The following RPN2 variants were observed in gnomAD, a reference collection of about 807,000 sequenced individuals.
The protein encoded by RPN2 is ribophorin II.
A neutral mutation model predicts 71.4 loss-of-function variants in RPN2; 29 were observed. That is an observed-to-expected ratio of 0.41 (90% confidence interval 0.30 to 0.55). RPN2 has a LOEUF of 0.55. RPN2 is among the 20% of genes least tolerant of loss of function. RPN2 has a pLI of 0.35. For synonymous variants in RPN2, 308 were observed against 305.0 expected, an observed-to-expected ratio of 1.01 and a Z score of -0.10; for missense variants, 726 against 774.1, an observed-to-expected ratio of 0.94 and a Z score of 0.74.
intron 4 of RPN2, among the ~76,000 whole-genome samples, chr20:37,203,525 A>C (rs1469760450): frequency 6.6e-6 from 1 of 152,018 alleles, no homozygotes; most frequent in Non-Finnish European, 1.5e-5. Context: ...TATTTTTAGT[A>C]GAGGTGGGGT....
At chr20:37,239,998 ATCC>A (rs2068510855) in intron 16 of RPN2, among the ~76,000 whole-genome samples, 3 of 152,116 alleles carry the variant, frequency 2.0e-5, no homozygotes, top group Non-Finnish European at 4.4e-5. Flanking sequence ...GGCTCAAGCA[ATCC>A]TCCTGCTTTG....
At chr20:37,230,194 G>A in intron 13 of RPN2, 135 bp downstream of exon 13, 1 of 769,852 alleles carries the variant, frequency 1.3e-6, no homozygotes, top group East Asian at 2.5e-5. Flanking sequence ...ATTAGGCAGG[G>A]TAAATGGCAG....
chr20:37,238,664 A>G (rs1192737066), intron 16 of RPN2: 1 of 738,364 alleles, frequency 1.4e-6, no homozygotes, highest in Non-Finnish European at 2.5e-6. Flanking sequence ...CTGATGGGAT[A>G]ACTTTGCAGT....
At chr20:37,211,427 T>A (rs1190945046) in intron 8 of RPN2, among the ~76,000 whole-genome samples, 1 of 150,518 alleles carries the variant, frequency 6.6e-6, no homozygotes, top group Non-Finnish European at 1.5e-5. Flanking sequence ...TCACTTGAGG[T>A]CAGGAGCTCG....
chr20:37,181,738 A>G (rs1263772617), intron 1 of RPN2, among the ~76,000 whole-genome samples: 3 of 152,028 alleles, frequency 2.0e-5, no homozygotes, highest in Non-Finnish European at 4.4e-5. Context: ...TTTTCTTCTT[A>G]GCATAGTTTC....
intron 1 of RPN2, among the ~76,000 whole-genome samples, chr20:37,183,800 TAGAGGAC>T (rs1205740941): frequency 6.6e-6 from 1 of 152,122 alleles, no homozygotes; most frequent in African/African-American, 2.4e-5. Context: ...CCTGGCTTCT[TAGAGGAC>T]AGAGAAGAAG....
At chr20:37,224,118 C>A in intron 10 of RPN2, 149 bp downstream of exon 10, 1 of 708,874 alleles carries the variant, frequency 1.4e-6, no homozygotes. Flanking sequence ...TTCCACTGGT[C>A]CTGCACCGGG....
chr20:37,224,751 T>C (rs1283134996), intron 10 of RPN2, among the ~76,000 whole-genome samples: 1 of 152,158 alleles, frequency 6.6e-6, no homozygotes, highest in African/African-American at 2.4e-5. Context: ...CTAGGGTAGC[T>C]ATAGAGGCCA....
Position 37,203,977 on chromosome 20 carries a change from A to C in RPN2, c.555+17A>C. On this transcript the variant is annotated intron_variant, in intron 5 of 16. Transcript: ENST00000237530. ...GAGATTGAGGTGTGAATCTTTTGCC[A>C]AATGCATCTCCCAGCTCCTGTCTTT... 1 of 1,584,220 alleles carries C rather than the reference A, an allele frequency of 6.3e-7. No individual in the cohort carries two copies. Among genetic ancestry groups the C allele is most frequent in the African/African-American group, 1.3e-5 (1 of 74,438 alleles).
chr20:37,236,765 C>T, intron 16 of RPN2, 56 bp downstream of exon 16: 1 of 1,574,222 alleles, frequency 6.4e-7, no homozygotes, highest in Non-Finnish European at 8.7e-7. Flanking sequence ...CTCAGCTCTG[C>T]CGGCCTAGCT....
At chr20:37,238,503 C>T in intron 16 of RPN2, 2 of 1,249,344 alleles carry the variant, frequency 1.6e-6, no homozygotes, top group Non-Finnish European at 2.3e-6. Context: ...CCCGTCTTGC[C>T]CGCCTCATGC....
chr20:37,185,593 T>C (rs757368262), intron 2 of RPN2, among the ~76,000 whole-genome samples: 1 of 152,090 alleles, frequency 6.6e-6, no homozygotes, highest in African/African-American at 2.4e-5. Flanking sequence ...ACCACCGACT[T>C]ATTGGCTTAT....
At chr20:37,228,519 A>G in intron 11 of RPN2, 31 bp from the exon 12 acceptor site, 1 of 1,597,530 alleles carries the variant, frequency 6.3e-7, no homozygotes. Flanking sequence ...TGAAATTATC[A>G]GATGAAAGAT....
intron 15 of RPN2, among the ~76,000 whole-genome samples, chr20:37,234,741 T>TGC (rs1045307193): frequency 2.9e-4 from 44 of 151,146 alleles, no homozygotes; most frequent in African/African-American, 1.0e-3. Context: ...AGTGCAGTGG[T>TGC]GCATTCATGG....
At position 37,232,384 on chromosome 20, in the gene RPN2, T is replaced by G. The variant is rs1466077543; in HGVS notation, c.1670T>G (p.Phe557Cys). The change falls in exon 14 of 17, where the codon TTC (phenylalanine) becomes TGC (cysteine). Residue 557 changes from phenylalanine (F) to cysteine (C), a missense_variant. By Grantham distance (205) the Phe-to-Cys change is radical (BLOSUM62 -2). Transcript: ENST00000237530. Reference protein sequence around the residue: ...ALILSPLLLLFALWIRIGANV... With the variant: ...ALILSPLLLLCALWIRIGANV... ...ATCCTCTCGCCGTTGCTTCTGCTCT[T>G]CGCTCTGGTGAGTGGCTGTAATTAG... The G allele has an allele frequency of 2.5e-6, 4 of 1,614,184 alleles. No homozygotes were observed.
chr20:37,182,807 T>G (rs1213095201), intron 1 of RPN2, among the ~76,000 whole-genome samples: 1 of 152,202 alleles, frequency 6.6e-6, no homozygotes, highest in Admixed American at 6.5e-5. Context: ...GTTACTTGGG[T>G]GCCAGACAAT....
chr20:37,222,246 C>T (rs1178340145), intron 9 of RPN2, among the ~76,000 whole-genome samples: 1 of 152,164 alleles, frequency 6.6e-6, no homozygotes, highest in Non-Finnish European at 1.5e-5. Context: ...GGCCATCGTC[C>T]CTCCTCCTCC....
In RPN2 at chr20:37,181,421, T is replaced by C. The variant is rs112341865; in HGVS notation, c.13+2052T>C. Among the ~76,000 whole-genome samples the C allele has an allele frequency of 1.4e-3, 210 of 148,582 alleles. 1 individual carries two copies. The highest frequency in any genetic ancestry group is 5.0e-3 in the African/African-American group (203 of 40,304). ...CCTGATTCAGAATGTTTGCATTTGG[T>C]TTTTCTTTTCTTTTTTTTTTTTTTT... On this transcript the variant is annotated intron_variant, in intron 1 of 16. Transcript: ENST00000237530.
intron 11 of RPN2, among the ~76,000 whole-genome samples, chr20:37,228,135 C>G (rs1725732964): frequency 6.6e-6 from 1 of 152,112 alleles, no homozygotes; most frequent in Admixed American, 6.6e-5. Context: ...GCTGGAGGCA[C>G]AAGGAAATTG....
Sources: gnomAD v4.1 joint callset for allele counts (sites outside exome capture counted in the v4.1 genomes callset) on GRCh38, gnomAD v4.1.1 for gene constraint, MANE v1.5 for transcripts, NCBI Gene and HGNC (gene_info 2026-07-23, HGNC 2026-07-21) for gene names.